TUSC3: variants seen among roughly 807,000 people sequenced by gnomAD.
TUSC3 encodes dolichyl-diphosphooligosaccharide--protein glycosyltransferase subunit TUSC3.
TUSC3 carries 45 observed loss-of-function variants against 44.8 expected under a neutral mutation model. The ratio of observed to expected loss-of-function variants is 1.00; its 90% CI spans 0.79 to 1.29. The LOEUF (loss-of-function observed/expected upper bound fraction) is 1.29. Ranked by LOEUF, TUSC3 falls within the 50% of genes most tolerant of loss-of-function variation. TUSC3 has a pLI of 0.00. For missense variants in TUSC3, 519 were observed against 437.9 expected, an observed-to-expected ratio of 1.19 and a Z score of -1.65; for synonymous variants, 212 against 152.9, an observed-to-expected ratio of 1.39 and a Z score of -2.85.
At chr8:15,655,856 C>T (rs565152014) in intron 3 of TUSC3, among the ~76,000 whole-genome samples, 24 of 152,220 alleles carry the variant, frequency 1.6e-4, no homozygotes, top group African/African-American at 5.8e-4. Context: ...TTCCTTCTTC[C>T]CCAAACCACC....
chr8:15,512,931 C>CATATATATATATAT lies in TUSC3; in HGVS notation n.189+29463_189+29476dup, dbSNP rs10696221. Among the ~76,000 whole-genome samples the CATATATATATATAT allele has an allele frequency of 5.3e-3, 588 of 110,442 alleles. 10 individuals carry two copies. Among genetic ancestry groups the CATATATATATATAT allele is most frequent in the African/African-American group, 0.019 (445 of 23,222 alleles). The allele number at this position is 110,442 out of a possible 152,430, so 72.5% of individuals were successfully genotyped here. A position where few individuals can be genotyped will look rare whatever the true frequency, so the allele number is the denominator to read the frequency against. ...ATATATATGTATCTATATATATAATCATATATATATATATATATATATATA... is the reference window on the plus strand; with the variant it reads ...ATATATATGTATCTATATATATAATCATATATATATATATATATATATATATATATATATATATA... On this transcript the variant is annotated intron_variant and non_coding_transcript_variant, in intron 2 of 5. Coordinates refer to the TUSC3 transcript ENST00000503191.
intron 1 of TUSC3, among the ~76,000 whole-genome samples, chr8:15,562,614 C>G (rs1802519059): frequency 6.6e-6 from 1 of 152,130 alleles, no homozygotes; most frequent in African/African-American, 2.4e-5. Flanking sequence ...GCGTTCTTTT[C>G]TGAATCTCTG....
chr8:15,617,430 G>T (rs947428117), intron 1 of TUSC3, among the ~76,000 whole-genome samples: 1 of 151,958 alleles, frequency 6.6e-6, no homozygotes, highest in Non-Finnish European at 1.5e-5. Flanking sequence ...GAGCCACCGC[G>T]CCTGGCCTGT....
the TUSC3 span, among the ~76,000 whole-genome samples, chr8:15,796,953 G>A: frequency 2.1e-3 from 326 of 152,242 alleles, 1 homozygote; most frequent in African/African-American, 7.0e-3. Flanking sequence ...TATAAAGGGC[G>A]TTATAATTTG....
At chr8:15,492,955 A>G (rs993200751) in intron 2 of TUSC3, among the ~76,000 whole-genome samples, 4 of 152,264 alleles carry the variant, frequency 2.6e-5, no homozygotes, top group African/African-American at 7.2e-5. Flanking sequence ...TTGCCACTGC[A>G]CTCCAGCCTG....
chr8:15,569,855 AAAGGTTT>A (rs1802806373), intron 1 of TUSC3, among the ~76,000 whole-genome samples: 2 of 152,234 alleles, frequency 1.3e-5, no homozygotes, highest in Non-Finnish European at 2.9e-5. Context: ...AGTGCGGACC[AAAGGTTT>A]AACATGTTGC....
At chr8:15,529,827 G>A (rs1207168896) in intron 2 of TUSC3, among the ~76,000 whole-genome samples, 1 of 114,110 alleles carries the variant, frequency 8.8e-6, no homozygotes, top group Non-Finnish European at 1.7e-5. Context: ...GTCTCGCTCT[G>A]TTGCCCAGGC....
At chr8:15,723,457 T>A (rs1402305345) in intron 6 of TUSC3, among the ~76,000 whole-genome samples, 1 of 152,182 alleles carries the variant, frequency 6.6e-6, no homozygotes, top group Non-Finnish European at 1.5e-5. Context: ...AAGCACAAGA[T>A]ATGTGCAGCC....
intron 6 of TUSC3, among the ~76,000 whole-genome samples, chr8:15,677,717 T>C (rs354508): frequency 0.81 from 123,624 of 152,176 alleles, 50,473 homozygotes; most frequent in Non-Finnish European, 0.85. Flanking sequence ...AGAGCCAGGT[T>C]CTATGACACA....
chr8:15,443,335 A>ATT (rs1291056421), intron 1 of TUSC3, among the ~76,000 whole-genome samples: 1,227 of 75,020 alleles, frequency 0.016, 25 homozygotes, highest in African/African-American at 0.061. Context: ...CACCCACCTA[A>ATT]TTGTGTGTGT....
intron 2 of TUSC3, among the ~76,000 whole-genome samples, chr8:15,520,169 C>T (rs1011363849): frequency 7.9e-5 from 12 of 152,128 alleles, no homozygotes; most frequent in African/African-American, 2.4e-4. Context: ...GTAAGCACCC[C>T]TTTTCTGCAA....
intron 10 of TUSC3, among the ~76,000 whole-genome samples, chr8:15,761,169 G>A (rs768708684): frequency 6.6e-6 from 1 of 152,100 alleles, no homozygotes; most frequent in Admixed American, 6.6e-5. Flanking sequence ...AAAATCTTTT[G>A]AATTTCAAGT....
chr8:15,699,048 A>G (rs571572287), intron 6 of TUSC3, among the ~76,000 whole-genome samples: 3 of 152,140 alleles, frequency 2.0e-5, no homozygotes, highest in Admixed American at 6.5e-5. Flanking sequence ...GGGTCTTGCT[A>G]TGTCATCTAG....
chr8:15,576,614 A>G (rs1014359916), intron 1 of TUSC3, among the ~76,000 whole-genome samples: 1 of 144,978 alleles, frequency 6.9e-6, no homozygotes, highest in Non-Finnish European at 1.5e-5. Flanking sequence ...TTCCAGTTTC[A>G]TCCATGTCCC....
intron 2 of TUSC3, among the ~76,000 whole-genome samples, chr8:15,499,089 C>T (rs1001610453): frequency 6.6e-6 from 1 of 151,992 alleles, no homozygotes; most frequent in Non-Finnish European, 1.5e-5. Flanking sequence ...CCATCAGACT[C>T]CATCACCCAC....
the TUSC3 span, among the ~76,000 whole-genome samples, chr8:15,792,619 T>C: frequency 6.6e-6 from 1 of 152,106 alleles, no homozygotes. Flanking sequence ...TTCGTTTTTT[T>C]GTTTGTTTCT....
At chr8:15,483,335 GT>G in intron 1 of TUSC3, 2 of 226,018 alleles carry the variant, frequency 8.8e-6, no homozygotes, top group Non-Finnish European at 1.8e-5. Flanking sequence ...TGTTGTTGTT[GT>G]TTTGTTTTGT....
chr8:15,825,275 G>C, the TUSC3 span, among the ~76,000 whole-genome samples: 4 of 152,268 alleles, frequency 2.6e-5, no homozygotes, highest in African/African-American at 9.6e-5. Context: ...TAAAGAAAAA[G>C]AGGTTTACTG....
chr8:15,567,892 T>A (rs1802734240), intron 1 of TUSC3, among the ~76,000 whole-genome samples: 2 of 152,280 alleles, frequency 1.3e-5, no homozygotes, highest in Admixed American at 1.3e-4. Flanking sequence ...TGCATTTGGG[T>A]TGTTGGTAAT....
Sources: allele counts gnomAD v4.1 joint callset (sites outside exome capture counted in the v4.1 genomes callset), GRCh38; gene constraint gnomAD v4.1.1; transcripts MANE v1.5; gene names NCBI Gene and HGNC (gene_info 2026-07-23, HGNC 2026-07-21).